The following TNK2 variants were observed in gnomAD, a reference collection of about 807,000 sequenced individuals.
TNK2 encodes the protein tyrosine kinase non receptor 2.
TNK2 carries 83 observed loss-of-function variants against 101.8 expected under a neutral mutation model. That is an observed-to-expected ratio of 0.82 (90% confidence interval 0.68 to 0.98). TNK2 has a LOEUF of 0.98. Among genes scored for constraint, TNK2 ranks in the 50% least tolerant of loss-of-function variants. The probability of loss-of-function intolerance (pLI) is 0.00; values close to 1 mark genes in which losing one functional copy is unlikely to be tolerated. For synonymous variants in TNK2, 804 were observed against 633.0 expected (o/e 1.27, Z -4.06); for missense variants, 1,665 against 1,483.2 (o/e 1.12, Z -2.01).
chr3:195,868,020 TG>T lies in TNK2; in HGVS notation c.2277del (p.Ile760SerfsTer88). 6.3e-7 allele frequency: 1 copy of T among 1,582,734 alleles called. No individual in the cohort carries two copies. Among genetic ancestry groups the T allele is most frequent in the East Asian group, 2.3e-5 (1 of 44,038 alleles). On this transcript the variant is annotated frameshift_variant, in exon 13 of 16. Coordinates refer to ENST00000672887, the MANE Select transcript of TNK2 (RefSeq NM_001382273.1). LOFTEE classifies it high-confidence loss of function. Reference protein sequence around the residue: ...DDKPQVPPRVPIPPRPTRPHV... With the variant: ...DDKPQVPPRVXIPPRPTRPHV... ...TGTGGGCGCGTGGGCCGAGGGGGGA[TG>T]GGTACCCGAGGAGGCACCTGGGGCT...
Position 195,870,214 on chromosome 3 carries a change from G to GA in TNK2, c.1452-10dup, listed in dbSNP as rs747115837. On this transcript the variant is annotated splice_polypyrimidine_tract_variant and intron_variant, in intron 10 of 15. Transcript: ENST00000672887. The stretch of plus-strand genomic sequence containing the variant: ...GGTTTCCCAGATACAGTCTGTGGGG[G>GA]AGAGAGCTGGGTCAAGAGAGCAGGG... The GA allele has an allele frequency of 6.3e-6, 10 of 1,598,054 alleles. No individual in the cohort carries two copies. Among genetic ancestry groups the GA allele is most frequent in the Non-Finnish European group, 8.5e-6 (10 of 1,171,672 alleles).
intron 2 of TNK2, among the ~76,000 whole-genome samples, chr3:195,887,976 A>G (rs1277016707): frequency 2.1e-5 from 3 of 140,396 alleles, no homozygotes; most frequent in Admixed American, 1.4e-4. Flanking sequence ...GTGTGTGTGT[A>G]TGCCTGTGCG....
Position 195,882,517 on chromosome 3 carries a change from G to A in TNK2, c.610-189C>T. ...AGGCCTCTCCCTCGAGGCAATTTGGGAAACTGATGCCTAGAGAGAAGGAGC... is the reference window on the plus strand; with the variant it reads ...AGGCCTCTCCCTCGAGGCAATTTGGAAAACTGATGCCTAGAGAGAAGGAGC... On this transcript the variant is annotated intron_variant, in intron 5 of 15. Transcript: ENST00000672887. The surrounding 1 kb of genome is among the most constrained non-coding windows in gnomAD (Gnocchi z 4.2). The A allele has an allele frequency of 6.5e-7, 1 of 1,535,406 alleles. No individual in the cohort carries two copies. Among genetic ancestry groups the A allele is most frequent in the South Asian group, 1.2e-5 (1 of 83,200 alleles).
rs1560523408 is a variant in TNK2, at chr3:195,885,583, CGTGA to C, written c.235-554_235-551del. ...GGATAATTTTAGTCTGAGGTTGAAC[CGTGA>C]GTGTGTGTGTGGTTCAGATGAAGCT... On this transcript the variant is annotated intron_variant, in intron 3 of 15. Coordinates refer to ENST00000672887, the MANE Select transcript of TNK2 (RefSeq NM_001382273.1). This position sits in a 1 kb window ranked among gnomAD's most constrained non-coding sequence, Gnocchi z 4.7. The C allele has an allele frequency of 7.8e-7, 1 of 1,289,980 alleles. No homozygotes were observed. The highest frequency in any genetic ancestry group is 2.3e-5 in the Admixed American group (1 of 43,570). The allele number at this position is 1,289,980 out of a possible 1,614,324, so 79.9% of individuals were successfully genotyped here. A position where few individuals can be genotyped will look rare whatever the true frequency, so the allele number is the denominator to read the frequency against.
chr3:195,885,089 C>T lies in TNK2; in HGVS notation c.235-56G>A. Reference sequence around the variant, plus strand: ...ATCCAACACCCCAGGGTCAGTCACTCAGTCCCACCCCGCTGGGTCCACCTG... The same window carrying T: ...ATCCAACACCCCAGGGTCAGTCACTTAGTCCCACCCCGCTGGGTCCACCTG... On this transcript the variant is annotated intron_variant, in intron 3 of 15. Coordinates refer to ENST00000672887, the MANE Select transcript of TNK2 (RefSeq NM_001382273.1). This position sits in a 1 kb window ranked among gnomAD's most constrained non-coding sequence, Gnocchi z 4.7. 1 of 1,487,370 alleles carries T rather than the reference C, an allele frequency of 6.7e-7. No homozygotes were observed. Among genetic ancestry groups the T allele is most frequent in the Non-Finnish European group, 9.1e-7 (1 of 1,104,308 alleles). 92.1% of individuals were successfully genotyped at this position (1,487,370 alleles called of 1,614,324 possible).
chr3:195,869,436 A>G, intron 12 of TNK2, 61 bp downstream of exon 12: 1 of 1,057,934 alleles, frequency 9.5e-7, no homozygotes. Flanking sequence ...ACCTTCCAGG[A>G]GAGGAGTGAG....
intron 14 of TNK2, 53 bp from the exon 15 acceptor site, chr3:195,867,069 T>C: frequency 6.2e-7 from 1 of 1,608,628 alleles, no homozygotes; most frequent in Admixed American, 1.7e-5. Context: ...CCGACTAGGG[T>C]GGGGAAGAGG....
chr3:195,868,925 T>C (rs1280141789), intron 12 of TNK2: 6 of 570,836 alleles, frequency 1.1e-5, no homozygotes, highest in Admixed American at 3.6e-5. Context: ...GGCAGCCCCA[T>C]GTGGGCCGGT....
At chr3:195,896,547 G>C (rs1360302136) in intron 1 of TNK2, among the ~76,000 whole-genome samples, 2 of 152,166 alleles carry the variant, frequency 1.3e-5, no homozygotes, top group African/African-American at 2.4e-5. Context: ...TACTAGTCTT[G>C]GGAGTAGCTG....
rs2149235746 is a variant in TNK2, at chr3:195,868,394, G to A, written c.1904C>T (p.Pro635Leu). ...CGGGCGTGCGTCCCAGTCCACCACAGGCGTGGGGTGCAGGGGCCGGGGCAG... is the reference window on the plus strand; with the variant it reads ...CGGGCGTGCGTCCCAGTCCACCACAAGCGTGGGGTGCAGGGGCCGGGGCAG... ...RALPRPLHPTPVVDWDARPLP... is the reference protein window; with the variant it reads ...RALPRPLHPTLVVDWDARPLP... Residue 635 changes from proline (P) to leucine (L), a missense_variant, in exon 13 of 16, where the codon CCT becomes CTT. Coordinates refer to ENST00000672887, the MANE Select transcript of TNK2 (RefSeq NM_001382273.1). 1 of 1,588,336 alleles carries A rather than the reference G, an allele frequency of 6.3e-7. No individual in the cohort carries two copies. The highest frequency in any genetic ancestry group is 2.2e-5 in the East Asian group (1 of 44,666).
rs1220559091 is a variant in TNK2 at position 195,885,252 on chromosome 3, G to A, written c.235-219C>T. ...AAGCCTGATGCTGGCCTCAAGGAGGGTGCCAGAAAGAGACCGACAGGCATG... is the reference window on the plus strand; with the variant it reads ...AAGCCTGATGCTGGCCTCAAGGAGGATGCCAGAAAGAGACCGACAGGCATG... On this transcript the variant is annotated intron_variant, in intron 3 of 15. Transcript: ENST00000672887. This position sits in a 1 kb window ranked among gnomAD's most constrained non-coding sequence, Gnocchi z 4.7. 3.7e-6 allele frequency: 4 copies of A among 1,083,594 alleles called. No homozygotes were observed. In the African/African-American group the frequency reaches 4.8e-5, roughly 13 times the overall value. 67.1% of individuals were successfully genotyped at this position (1,083,594 alleles called of 1,614,324 possible).
chr3:195,908,134 C>CAT (rs200300311), intron 1 of TNK2: 3,630 of 153,478 alleles, frequency 0.024, 84 homozygotes, highest in African/African-American at 0.068. Context: ...CCATGCAGAG[C>CAT]ATATAGCATG....
In TNK2 at chr3:195,885,752, A is replaced by C. The variant is rs566389981; in HGVS notation, c.235-719T>G. 1 of 429,064 alleles carries C rather than the reference A, an allele frequency of 2.3e-6. No individual in the cohort carries two copies. The highest frequency in any genetic ancestry group is 7.3e-5 in the East Asian group (1 of 13,696). 26.6% of individuals were successfully genotyped at this position (429,064 alleles called of 1,614,324 possible). A position where few individuals can be genotyped will look rare whatever the true frequency, so the allele number is the denominator to read the frequency against. On this transcript the variant is annotated intron_variant, in intron 3 of 15. Transcript: ENST00000672887. The surrounding 1 kb of genome is among the most constrained non-coding windows in gnomAD (Gnocchi z 4.7). ...GAGGAGCCGAAGGTCAAGGGACAGA[A>C]GAAAGGAGGCCATGAGGGTCAAAGC...
rs1315439692 is a variant in TNK2 at position 195,884,955 on chromosome 3, G to A, written c.313C>T (p.Pro105Ser). ...QSTFRKTSPA[P>S]GGPAGEGPLQ... is the part of the protein sequence containing the mutation. ...GGCCCCTCCCCTGCTGGGCCCCCAG[G>A]GGCGGGCGAGGTCTTCCGGAAGGTG... Residue 105 changes from proline (P) to serine (S), a missense_variant, in exon 4 of 16, where the codon CCT becomes TCT. By Grantham distance (74) the Pro-to-Ser change is moderately conservative. Coordinates refer to ENST00000672887, the MANE Select transcript of TNK2 (RefSeq NM_001382273.1). 2 of 1,613,870 alleles carry A rather than the reference G, an allele frequency of 1.2e-6. No individual in the cohort carries two copies. The highest frequency in any genetic ancestry group is 1.7e-6 in the Non-Finnish European group (2 of 1,179,870).
chr3:195,881,901 C>T (rs1753310841), intron 6 of TNK2, 150 bp downstream of exon 6: 7 of 895,470 alleles, frequency 7.8e-6, no homozygotes, highest in South Asian at 5.4e-5. Flanking sequence ...GGATGGTGAG[C>T]GAATGGGTGC....
At chr3:195,891,828 G>A (rs1758589118) in intron 1 of TNK2, 1 of 777,792 alleles carries the variant, frequency 1.3e-6, no homozygotes. Flanking sequence ...CAGGGCTGGG[G>A]GAGACCCAGA....
intron 1 of TNK2, chr3:195,891,997 A>T: frequency 9.9e-7 from 1 of 1,008,560 alleles, no homozygotes; most frequent in East Asian, 9.9e-5. Context: ...ACGGGAAGGA[A>T]CTCCGGGATG....
Position 195,864,105 on chromosome 3 carries a change from G to A in TNK2, c.*76C>T. On this transcript the variant is annotated 3_prime_UTR_variant, in exon 16 of 16. Transcript: ENST00000672887. ...GCGGGTCCTCCAGGACTGGATGGGG[G>A]CATCTCCCCACTCCTGGTGGACGGA... The A allele has an allele frequency of 6.3e-7, 1 of 1,597,408 alleles. No individual in the cohort carries two copies. Among genetic ancestry groups the A allele is most frequent in the Non-Finnish European group, 8.6e-7 (1 of 1,166,486 alleles).
rs1250085354 is a variant in TNK2, at chr3:195,878,938, C to T, written c.1014+111G>A. 7.3e-6 allele frequency: 11 copies of T among 1,507,640 alleles called. No homozygotes were observed. The highest frequency in any genetic ancestry group is 9.0e-6 in the Non-Finnish European group (10 of 1,115,752). The allele number at this position is 1,507,640 out of a possible 1,614,324, so 93.4% of individuals were successfully genotyped here. ...ACGGGAAGTGGGGGGAGGCACGGGGCGTGGGAGGAGGGAGTCCATTGGTGA... is the reference window on the plus strand; with the variant it reads ...ACGGGAAGTGGGGGGAGGCACGGGGTGTGGGAGGAGGGAGTCCATTGGTGA... On this transcript the variant is annotated intron_variant, in intron 7 of 15. Transcript: ENST00000672887. The surrounding 1 kb of genome is among the most constrained non-coding windows in gnomAD (Gnocchi z 4.7).
Sources: allele counts gnomAD v4.1 joint callset (sites outside exome capture counted in the v4.1 genomes callset), GRCh38; gene constraint gnomAD v4.1.1; non-coding constraint Gnocchi (gnomAD v3.1); transcripts MANE v1.5; gene names NCBI Gene and HGNC (gene_info 2026-07-23, HGNC 2026-07-21).